NOTCH4: variants seen among roughly 807,000 people sequenced by gnomAD.
NOTCH4 encodes the protein notch receptor 4, also known as neurogenic locus notch homolog protein 4.
A neutral mutation model predicts 189.0 loss-of-function variants in NOTCH4; 138 were observed. The observed-to-expected ratio is 0.73, with a 90% CI of 0.64 to 0.84. NOTCH4 has a LOEUF of 0.84. Ranked by LOEUF, NOTCH4 falls within the 40% of genes least tolerant of loss-of-function variation. NOTCH4 has a pLI of 0.00. For synonymous variants in NOTCH4, 942 were observed against 1,032.8 expected, an observed-to-expected ratio of 0.91 and a Z score of 1.69; for missense variants, 2,286 against 2,605.4, an observed-to-expected ratio of 0.88 and a Z score of 2.67.
intron 18 of NOTCH4, among the ~76,000 whole-genome samples, chr6:32,208,727 C>CT (rs1173444617): frequency 6.6e-6 from 1 of 152,104 alleles, no homozygotes; most frequent in Non-Finnish European, 1.5e-5. Flanking sequence ...CAGCAAGACT[C>CT]TGTCTCAGAA....
rs1039009829 is a variant in NOTCH4, at chr6:32,213,027, G to C, written c.2438+108C>G. The C allele has an allele frequency of 4.0e-6, 5 of 1,248,340 alleles. No homozygotes were observed. The African/African-American group carries it at 7.4e-5, about 18-fold the overall frequency. The allele number at this position is 1,248,340 out of a possible 1,614,324, so 77.3% of individuals were successfully genotyped here. ...AGGTGGCAAGCCAGGAGGGAAGGCG[G>C]AACGAGGTGTGGGGTGGGAGGCAGC... On this transcript the variant is annotated intron_variant, in intron 15 of 29. Coordinates refer to ENST00000375023, the MANE Select transcript of NOTCH4 (RefSeq NM_004557.4).
rs981348307 is a variant in NOTCH4 at position 32,201,508 on chromosome 6, G to C, written c.3756-8C>G. 6.8e-6 allele frequency: 10 copies of C among 1,470,920 alleles called. No individual in the cohort carries two copies. Among genetic ancestry groups the C allele is most frequent in the Middle Eastern group, 1.8e-4 (1 of 5,460 alleles). 91.1% of individuals were successfully genotyped at this position (1,470,920 alleles called of 1,614,324 possible). On this transcript the variant is annotated splice_polypyrimidine_tract_variant and splice_region_variant and intron_variant, in intron 21 of 29. Coordinates refer to ENST00000375023, the MANE Select transcript of NOTCH4 (RefSeq NM_004557.4). This position sits in a 1 kb window ranked among gnomAD's most constrained non-coding sequence, Gnocchi z 5.5. ...TACTGGTCATAGGCTGGACTGTGGG[G>C]TAAGGAGAGGGGGACTCAGGACCTC...
At position 32,195,867 on chromosome 6, in the gene NOTCH4, C is replaced by T. The variant is rs1032493486; in HGVS notation, c.5582G>A (p.Cys1861Tyr). Residue 1861 changes from cysteine to tyrosine, a missense_variant, in exon 30 of 30, where the codon TGC (cysteine) becomes TAC (tyrosine). By Grantham distance (194) the Cys-to-Tyr change is radical. Coordinates refer to ENST00000375023, the MANE Select transcript of NOTCH4 (RefSeq NM_004557.4). The surrounding 1 kb of genome is among the most constrained non-coding windows in gnomAD (Gnocchi z 5.4). ...GCCTGCTCCGGCTGACAGCGTCCGG[C>T]AGCGCGGCAGAGCCCCGCCCCCATG... ...PPHGGGALPRCRTLSAGAGPR... is the reference protein window; with the variant it reads ...PPHGGGALPRYRTLSAGAGPR... 4 of 1,594,384 alleles carry T rather than the reference C, an allele frequency of 2.5e-6. No individual in the cohort carries two copies. The highest frequency in any genetic ancestry group is 1.7e-4 in the Middle Eastern group (1 of 6,050).
rs1329447230 is a variant in NOTCH4 at position 32,197,531 on chromosome 6, C to A, written c.4820G>T (p.Gly1607Val). ...GGGCTCAGGACATCCCAACCATGCC[C>A]CTTGGAAGGTCCCGGACTGTACTTC... ...CGEVQSGTFQ[G>V]AWLGCPEPWE... The change falls in exon 27 of 30, where the codon GGG becomes GTG. Residue 1607 changes from glycine (G) to valine (V), a missense_variant. Coordinates refer to ENST00000375023, the MANE Select transcript of NOTCH4 (RefSeq NM_004557.4). 6.2e-7 allele frequency: 1 copy of A among 1,612,166 alleles called. No homozygotes were observed. Among genetic ancestry groups the A allele is most frequent in the Non-Finnish European group, 8.5e-7 (1 of 1,179,250 alleles).
chr6:32,213,858 G>C lies in NOTCH4; in HGVS notation c.2168-18C>G. The C allele has an allele frequency of 6.2e-7, 1 of 1,610,732 alleles. No individual in the cohort carries two copies. Among genetic ancestry groups the C allele is most frequent in the Non-Finnish European group, 8.5e-7 (1 of 1,179,192 alleles). On this transcript the variant is annotated intron_variant, in intron 13 of 29. Coordinates refer to ENST00000375023, the MANE Select transcript of NOTCH4 (RefSeq NM_004557.4). ...GGTGGGTCCTGAAGGAAACAGGTGG[G>C]GGCTGAGAAAGGGTGTCCTCCTTCC...
rs533729306 is a variant in NOTCH4 at position 32,198,075 on chromosome 6, C to T, written c.4756+346G>A. ...TGACCTTGTGATCCACCCGCCTTGG[C>T]CTCCCAAAGTGCTGGGATTACAGGC... On this transcript the variant is annotated intron_variant, in intron 26 of 29. Coordinates refer to ENST00000375023, the MANE Select transcript of NOTCH4 (RefSeq NM_004557.4). The surrounding 1 kb of genome is among the most constrained non-coding windows in gnomAD (Gnocchi z 5.5). Among the ~76,000 whole-genome samples, 1 of 152,346 alleles carries T rather than the reference C, an allele frequency of 6.6e-6. No individual in the cohort carries two copies. The highest frequency in any genetic ancestry group is 1.5e-5 in the Non-Finnish European group (1 of 68,024).
chr6:32,217,933 C>T lies in NOTCH4; in HGVS notation c.1624+62G>A. 8.9e-7 allele frequency: 1 copy of T among 1,117,804 alleles called. No homozygotes were observed. Among genetic ancestry groups the T allele is most frequent in the South Asian group, 1.3e-5 (1 of 77,380 alleles). 69.2% of individuals were successfully genotyped at this position (1,117,804 alleles called of 1,614,324 possible). A position where few individuals can be genotyped will look rare whatever the true frequency, so the allele number is the denominator to read the frequency against. On this transcript the variant is annotated intron_variant, in intron 9 of 29. Coordinates refer to ENST00000375023, the MANE Select transcript of NOTCH4 (RefSeq NM_004557.4). The surrounding 1 kb of genome is among the most constrained non-coding windows in gnomAD (Gnocchi z 4.2). ...AAGTGGCCTTGGGTGATTGCTGAGC[C>T]TGAACTCTGCAGGTTCAGAGGCCTG...
chr6:32,196,003 G>A lies in NOTCH4; in HGVS notation c.5446C>T (p.Leu1816=). The A allele has an allele frequency of 6.3e-7, 1 of 1,599,532 alleles. No individual in the cohort carries two copies. Among genetic ancestry groups the A allele is most frequent in the Non-Finnish European group, 8.5e-7 (1 of 1,179,072 alleles). Reference sequence around the variant, plus strand: ...GGCCCAGCCCCTTCCAGCAGCGTCAGCAGATCCCAGTGGTTACGTTGGTGA... The same window carrying A: ...GGCCCAGCCCCTTCCAGCAGCGTCAACAGATCCCAGTGGTTACGTTGGTGA... The part of the protein sequence containing the change: ...VAHQRNHWDL[L]TLLEGAGPPE... Residue 1816 remains leucine, a synonymous_variant, in exon 30 of 30, where the codon CTG becomes TTG. Transcript: ENST00000375023.
chr6:32,198,824 C>T lies in NOTCH4; in HGVS notation c.4536-94G>A, dbSNP rs2127462973. 2.0e-6 allele frequency: 3 copies of T among 1,472,948 alleles called. No individual in the cohort carries two copies. The highest frequency in any genetic ancestry group is 4.3e-5 in the Admixed American group (2 of 46,410). The allele number at this position is 1,472,948 out of a possible 1,614,324, so 91.2% of individuals were successfully genotyped here. On this transcript the variant is annotated intron_variant, in intron 24 of 29. Transcript: ENST00000375023. The surrounding 1 kb of genome is among the most constrained non-coding windows in gnomAD (Gnocchi z 5.5). ...GGCTTCCCACCCCTCTCTCCTTCCC[C>T]TATCTTTGACTTCTGCAATAGTATT...
chr6:32,222,413 G>T, intron 3 of NOTCH4, 98 bp downstream of exon 3: 1 of 1,103,584 alleles, frequency 9.1e-7, no homozygotes. Flanking sequence ...GTCTTCAAAG[G>T]GCTTGCAGTT....
chr6:32,209,238 C>T (rs1788870173), intron 18 of NOTCH4, among the ~76,000 whole-genome samples: 1 of 152,150 alleles, frequency 6.6e-6, no homozygotes, highest in Admixed American at 6.5e-5. Flanking sequence ...CAGGTAGATA[C>T]TTGCATCAGC....
chr6:32,217,893 G>T lies in NOTCH4; in HGVS notation c.1624+102C>A. ...CAGATTTGGAGGACTCCTTGGCTTG[G>T]CTAGAGAGAGCTTCAAGTGGCCTTG... On this transcript the variant is annotated intron_variant, in intron 9 of 29. Transcript: ENST00000375023. The surrounding 1 kb of genome is among the most constrained non-coding windows in gnomAD (Gnocchi z 4.2). The T allele has an allele frequency of 1.3e-6, 1 of 742,186 alleles. No individual in the cohort carries two copies. The highest frequency in any genetic ancestry group is 2.4e-6 in the Non-Finnish European group (1 of 420,492). The allele number at this position is 742,186 out of a possible 1,614,324, so 46.0% of individuals were successfully genotyped here.
Position 32,199,208 on chromosome 6 carries a change from G to T in NOTCH4, c.4316-63C>A. The stretch of plus-strand genomic sequence containing the variant: ...CTGGTGAGACTGATTACTATTGGGA[G>T]ACCTTTGGACAAGTTTAGTAGCCGG... On this transcript the variant is annotated intron_variant, in intron 23 of 29. Coordinates refer to ENST00000375023, the MANE Select transcript of NOTCH4 (RefSeq NM_004557.4). This position sits in a 1 kb window ranked among gnomAD's most constrained non-coding sequence, Gnocchi z 4.9. 7.9e-7 allele frequency: 1 copy of T among 1,265,768 alleles called. No individual in the cohort carries two copies. Among genetic ancestry groups the T allele is most frequent in the Non-Finnish European group, 1.1e-6 (1 of 930,092 alleles). 78.4% of individuals were successfully genotyped at this position (1,265,768 alleles called of 1,614,324 possible). A position where few individuals can be genotyped will look rare whatever the true frequency, so the allele number is the denominator to read the frequency against.
At chr6:32,216,823 A>AAAGGATACC in intron 11 of NOTCH4, 122 bp downstream of exon 11, 1 of 1,209,592 alleles carries the variant, frequency 8.3e-7, no homozygotes, top group Non-Finnish European at 1.2e-6. Context: ...AAATAACTTT[A>AAAGGATACC]AAGGATACCA....
At chr6:32,209,663 C>T (rs955567048) in intron 18 of NOTCH4, among the ~76,000 whole-genome samples, 2 of 152,052 alleles carry the variant, frequency 1.3e-5, no homozygotes, top group Non-Finnish European at 2.9e-5. Context: ...GGGTGGATCA[C>T]TTTAGGTCAG....
Position 32,217,131 on chromosome 6 carries a change from C to A in NOTCH4, c.1738+22G>T. On this transcript the variant is annotated intron_variant, in intron 10 of 29. Transcript: ENST00000375023. The surrounding 1 kb of genome is among the most constrained non-coding windows in gnomAD (Gnocchi z 4.2). ...TCTGCCTCCTGCTCCCGCTGTCCCC[C>A]ACAGTGTGTGCCCCAGTTTACCTGG... is the stretch of plus-strand genomic sequence containing the variant. The A allele has an allele frequency of 6.2e-7, 1 of 1,612,978 alleles. No homozygotes were observed.
Position 32,197,399 on chromosome 6 carries a change from C to T in NOTCH4, c.4952G>A (p.Arg1651His), listed in dbSNP as rs1157841409. ...AARFSRPTAA[R>H]RLLEAGANPN... ...GTTGGCTCCAGCCTCAAGGAGGCGG[C>T]GGGCAGCGGTTGGCCGGGAGAATCG... Residue 1651 changes from arginine (R) to histidine (H), a missense_variant, in exon 27 of 30, where the codon CGC (arginine) becomes CAC (histidine). Physicochemically the swap from Arg to His is conservative, Grantham distance 29. Around this residue, in one of 2 missense-constraint regions of NOTCH4, gnomAD observed 1,903 missense variants for 2,261.9 expected, o/e 0.84. Transcript: ENST00000375023. 3 of 1,540,500 alleles carry T rather than the reference C, an allele frequency of 1.9e-6. No individual in the cohort carries two copies. The highest frequency in any genetic ancestry group is 1.4e-5 in the African/African-American group (1 of 72,796).
rs2127490682 is a variant in NOTCH4 at position 32,222,560 on chromosome 6, G to A, written c.402C>T (p.His134=). Residue 134 remains histidine (H), a synonymous_variant, in exon 3 of 30, where the codon CAC becomes CAT. Coordinates refer to ENST00000375023, the MANE Select transcript of NOTCH4 (RefSeq NM_004557.4). ...ACTGTGGGCGGCCCGAGGCCTGGAT[G>A]TGGCAGCGGCCCCTTTTGGAACAGA... ...PSFCSKRGRC[H]IQASGRPQCS... 1 of 1,581,174 alleles carries A rather than the reference G, an allele frequency of 6.3e-7. No homozygotes were observed. Among genetic ancestry groups the A allele is most frequent in the Non-Finnish European group, 8.6e-7 (1 of 1,167,416 alleles).
chr6:32,197,141 A>C, intron 27 of NOTCH4, 69 bp from the exon 28 acceptor site: 2 of 1,566,626 alleles, frequency 1.3e-6, no homozygotes, highest in Non-Finnish European at 1.7e-6. Context: ...TTACACTATT[A>C]ACCCCACTCG....
Sources: gnomAD v4.1 joint callset for allele counts (sites outside exome capture counted in the v4.1 genomes callset) on GRCh38, gnomAD v4.1.1 for gene constraint, gnomAD v4.1.1 regional missense constraint, Gnocchi (gnomAD v3.1) non-coding constraint, MANE v1.5 for transcripts, NCBI Gene and HGNC (gene_info 2026-07-23, HGNC 2026-07-21) for gene names.